The following LYSMD3 variants were observed in gnomAD, a reference collection of about 807,000 sequenced individuals.
The protein encoded by LYSMD3 is LysM domain containing 3.
LYSMD3 carries 13 observed loss-of-function variants against 26.1 expected under a neutral mutation model. The ratio of observed to expected loss-of-function variants is 0.50; its 90% CI spans 0.32 to 0.79. LYSMD3 has a LOEUF of 0.79. LYSMD3 is among the 30% of genes least tolerant of loss of function. LYSMD3 has a pLI of 0.03. For missense variants in LYSMD3, 331 were observed against 362.5 expected (o/e 0.91, Z 0.71); for synonymous variants, 109 against 119.4 (o/e 0.91, Z 0.57).
At chr5:90,524,043 A>C (rs962998878) in intron 2 of LYSMD3, among the ~76,000 whole-genome samples, 1 of 152,226 alleles carries the variant, frequency 6.6e-6, no homozygotes, top group African/African-American at 2.4e-5. Context: ...ATCCCACAGA[A>C]GTAAAGGCAG....
chr5:90,523,878 C>T (rs1239926685), intron 2 of LYSMD3, among the ~76,000 whole-genome samples: 1 of 152,034 alleles, frequency 6.6e-6, no homozygotes, highest in Admixed American at 6.5e-5. Context: ...ATGTTCTAAC[C>T]AGTTTCCATA....
intron 2 of LYSMD3, among the ~76,000 whole-genome samples, chr5:90,524,458 T>G (rs1424314784): frequency 6.6e-6 from 1 of 152,222 alleles, no homozygotes; most frequent in Non-Finnish European, 1.5e-5. Context: ...CCACATTTTC[T>G]TACCATTTGA....
At chr5:90,519,728 A>C (rs1753043581) in intron 2 of LYSMD3, among the ~76,000 whole-genome samples, 1 of 152,114 alleles carries the variant, frequency 6.6e-6, no homozygotes, top group Admixed American at 6.5e-5. Flanking sequence ...AACACTAATT[A>C]ATGCTATTTA....
chr5:90,521,085 G>A, intron 2 of LYSMD3, among the ~76,000 whole-genome samples: 1 of 152,120 alleles, frequency 6.6e-6, no homozygotes, highest in East Asian at 1.9e-4. Context: ...GCCAGGAAGG[G>A]AATATACAAT....
At chr5:90,529,226 CCT>C in intron 1 of LYSMD3, 2 of 356,550 alleles carry the variant, frequency 5.6e-6, no homozygotes, top group South Asian at 4.1e-5. Context: ...AGGCGTCCTT[CCT>C]CTGAGCCTCA....
At chr5:90,529,327 C>A (rs1224452700) in intron 1 of LYSMD3, 121 bp downstream of exon 1, 1 of 448,736 alleles carries the variant, frequency 2.2e-6, no homozygotes, top group East Asian at 7.0e-5. Flanking sequence ...CGGGCCGAGC[C>A]CGGCCCTGCA....
At position 90,516,801 on chromosome 5, in the gene LYSMD3, A is replaced by G. The variant is rs1400571312; in HGVS notation, c.*2018T>C. On this transcript the variant is annotated 3_prime_UTR_variant, in exon 3 of 3. Coordinates refer to ENST00000315948, the MANE Select transcript of LYSMD3 (RefSeq NM_198273.2). ...TACTCTGCAAGACAAATGATTTTTA[A>G]TCAACAAATACACAGCACACCTTAT... The G allele has an allele frequency of 6.6e-6, 1 of 152,500 alleles. No individual in the cohort carries two copies. The highest frequency in any genetic ancestry group is 1.5e-5 in the Non-Finnish European group (1 of 67,916). The allele number at this position is 152,500 out of a possible 1,614,324, so 9.4% of individuals were successfully genotyped here.
rs1432610384 is a variant in LYSMD3, at chr5:90,515,956, A to G, written c.*2863T>C. ...ACAGACTTTAAAAAACTCCACCTTT[A>G]CCCTGTAACACTGACTAGATCCTTG... On this transcript the variant is annotated 3_prime_UTR_variant, in exon 3 of 3. Transcript: ENST00000315948. 1 of 152,120 alleles carries G rather than the reference A, an allele frequency of 6.6e-6. No homozygotes were observed. The highest frequency in any genetic ancestry group is 1.9e-4 in the East Asian group (1 of 5,202). 9.4% of individuals were successfully genotyped at this position (152,120 alleles called of 1,614,324 possible). A position where few individuals can be genotyped will look rare whatever the true frequency, so the allele number is the denominator to read the frequency against.
chr5:90,526,463 T>C (rs538410157), intron 1 of LYSMD3, among the ~76,000 whole-genome samples: 1 of 152,352 alleles, frequency 6.6e-6, no homozygotes, highest in Non-Finnish European at 1.5e-5. Context: ...CATCATCAAG[T>C]TGATCTATCT....
In LYSMD3 at chr5:90,516,953, A is replaced by T. The variant is rs1422187825; in HGVS notation, c.*1866T>A. 1 of 152,494 alleles carries T rather than the reference A, an allele frequency of 6.6e-6. No homozygotes were observed. The highest frequency in any genetic ancestry group is 6.5e-5 in the Admixed American group (1 of 15,276). 9.4% of individuals were successfully genotyped at this position (152,494 alleles called of 1,614,324 possible). On this transcript the variant is annotated 3_prime_UTR_variant, in exon 3 of 3. Coordinates refer to ENST00000315948, the MANE Select transcript of LYSMD3 (RefSeq NM_198273.2). ...ATTTGATGTAAACAAAGTTCTTCAA[A>T]GGACACCTGGCCTGTTTACCCTAAA...
intron 2 of LYSMD3, among the ~76,000 whole-genome samples, chr5:90,524,333 T>C (rs1753163766): frequency 6.6e-6 from 1 of 152,160 alleles, no homozygotes; most frequent in African/African-American, 2.4e-5. Context: ...CAAATATGTA[T>C]ATATAAATAA....
chr5:90,522,641 A>G (rs1580232587), intron 2 of LYSMD3, among the ~76,000 whole-genome samples: 1 of 152,298 alleles, frequency 6.6e-6, no homozygotes, highest in South Asian at 2.1e-4. Context: ...AAAACTCTAC[A>G]ATAATTGTAT....
intron 2 of LYSMD3, 77 bp from the exon 3 acceptor site, chr5:90,519,561 T>C (rs1235282640): frequency 7.1e-7 from 1 of 1,408,528 alleles, no homozygotes; most frequent in Non-Finnish European, 9.5e-7. Flanking sequence ...TCATTCTAGT[T>C]ACTTTTGGAG....
In LYSMD3 at chr5:90,525,091, T is replaced by C; in HGVS notation, c.199A>G (p.Lys67Glu). 6.2e-7 allele frequency: 1 copy of C among 1,613,530 alleles called. No individual in the cohort carries two copies. The highest frequency in any genetic ancestry group is 8.5e-7 in the Non-Finnish European group (1 of 1,179,540). The change falls in exon 2 of 3, where the codon AAA becomes GAA. Residue 67 changes from lysine to glutamate, a missense_variant. Physicochemically the swap from Lys to Glu is moderately conservative, Grantham distance 56 (BLOSUM62 1). Coordinates refer to ENST00000315948, the MANE Select transcript of LYSMD3 (RefSeq NM_198273.2). The stretch of plus-strand genomic sequence containing the variant: ...AATGTATCTCCTTCTTGTATATCTT[T>C]TGTTAATACTATAATGTCGTCAAGT... ...DRLDDIIVLT[K>E]DIQEGDTLNA...
At chr5:90,521,101 T>A (rs918312209) in intron 2 of LYSMD3, among the ~76,000 whole-genome samples, 5 of 152,038 alleles carry the variant, frequency 3.3e-5, no homozygotes, top group Non-Finnish European at 7.4e-5. Flanking sequence ...ACAATAGTGG[T>A]TAAAAGCATG....
Position 90,518,757 on chromosome 5 carries a change from T to A in LYSMD3, c.*62A>T. ...CTGCCTTTGAAGCTATTATTGGATA[T>A]AACTGATTCACCACATTCCAGATGC... On this transcript the variant is annotated 3_prime_UTR_variant, in exon 3 of 3. Transcript: ENST00000315948. 4.2e-6 allele frequency: 6 copies of A among 1,435,388 alleles called. No individual in the cohort carries two copies. The South Asian group carries it at 5.3e-5, about 13-fold the overall frequency. The allele number at this position is 1,435,388 out of a possible 1,614,324, so 88.9% of individuals were successfully genotyped here.
chr5:90,529,275 C>A, intron 1 of LYSMD3, 173 bp downstream of exon 1: 1 of 386,666 alleles, frequency 2.6e-6, no homozygotes, highest in Non-Finnish European at 5.1e-6. Flanking sequence ...CCTGGCAGGG[C>A]TGGTCTGGAA....
chr5:90,521,070 G>A (rs528032621), intron 2 of LYSMD3, among the ~76,000 whole-genome samples: 13 of 152,084 alleles, frequency 8.5e-5, no homozygotes, highest in African/African-American at 1.2e-4. Context: ...AGGAGATTAC[G>A]AATGGCCAGG....
intron 1 of LYSMD3, chr5:90,526,910 A>C (rs1174632164): frequency 6.6e-6 from 1 of 152,220 alleles, no homozygotes; most frequent in Non-Finnish European, 1.5e-5. Context: ...TTGTGAGTAC[A>C]TATATTACCT....
Sources: allele counts gnomAD v4.1 joint callset (sites outside exome capture counted in the v4.1 genomes callset), GRCh38; gene constraint gnomAD v4.1.1; transcripts MANE v1.5; gene names NCBI Gene and HGNC (gene_info 2026-07-23, HGNC 2026-07-21).